The following FCRLB variants were observed in gnomAD, a reference collection of about 807,000 sequenced individuals.
FCRLB encodes the protein Fc receptor-like B.
In FCRLB, 34 loss-of-function variants were observed where a neutral mutation model predicts 33.6. The ratio of observed to expected loss-of-function variants is 1.01; its 90% CI spans 0.77 to 1.35. The LOEUF (loss-of-function observed/expected upper bound fraction) is 1.35. FCRLB is among the 40% of genes most tolerant of loss of function. FCRLB has a pLI of 0.00. For synonymous variants in FCRLB, 280 were observed against 255.9 expected (o/e 1.09, Z -0.90); for missense variants, 560 against 580.2 (o/e 0.97, Z 0.36).
At chr1:161,725,044 A>T (rs1454513854) in intron 5 of FCRLB, among the ~76,000 whole-genome samples, 1 of 152,194 alleles carries the variant, frequency 6.6e-6, no homozygotes, top group Non-Finnish European at 1.5e-5. Context: ...GTATGGCTGG[A>T]ACTTATCCTG....
chr1:161,727,183 C>A lies in FCRLB; in HGVS notation c.866-64C>A. 6.0e-6 allele frequency: 9 copies of A among 1,494,984 alleles called. No individual in the cohort carries two copies. In the East Asian group the frequency reaches 1.4e-4, roughly 23 times the overall value. The allele number at this position is 1,494,984 out of a possible 1,614,324, so 92.6% of individuals were successfully genotyped here. A position where few individuals can be genotyped will look rare whatever the true frequency, so the allele number is the denominator to read the frequency against. On this transcript the variant is annotated intron_variant, in intron 7 of 7. Transcript: ENST00000367948. The stretch of plus-strand genomic sequence containing the variant: ...TCCCCGCCCACCGCCCTACGCCCCT[C>A]CCCCAGCCCAGCGCCGAGAAGAACC...
At position 161,726,156 on chromosome 1, in the gene FCRLB, C is replaced by G; in HGVS notation, c.574+69C>G. On this transcript the variant is annotated intron_variant, in intron 6 of 7. Coordinates refer to ENST00000367948, the Ensembl canonical transcript of FCRLB. The surrounding 1 kb of genome is among the most constrained non-coding windows in gnomAD (Gnocchi z 5.2). ...GAGAAATTCTGGGACAGGAGCTCGG[C>G]GAGAAAAGAAGGGGCGGAAGTTCAA... 6 of 1,608,316 alleles carry G rather than the reference C, an allele frequency of 3.7e-6. No homozygotes were observed. Among genetic ancestry groups the G allele is most frequent in the Non-Finnish European group, 5.1e-6 (6 of 1,177,018 alleles).
At chr1:161,722,130 A>C (rs1392124324) in intron 2 of FCRLB, among the ~76,000 whole-genome samples, 1 of 152,150 alleles carries the variant, frequency 6.6e-6, no homozygotes, top group African/African-American at 2.4e-5. Context: ...TCGTCTACTC[A>C]TTGTGGCAGG....
At position 161,724,277 on chromosome 1, in the gene FCRLB, T is replaced by C. The variant is rs1683469748; in HGVS notation, c.307+656T>C. ...GGGTTTTAAAACAGGATAAGAAAAATAACAATAATTTGTTCAATAAAGTAC... is the reference window on the plus strand; with the variant it reads ...GGGTTTTAAAACAGGATAAGAAAAACAACAATAATTTGTTCAATAAAGTAC... On this transcript the variant is annotated intron_variant, in intron 5 of 7. Coordinates refer to ENST00000367948, the Ensembl canonical transcript of FCRLB. Among the ~76,000 whole-genome samples the C allele has an allele frequency of 2.6e-5, 4 of 152,024 alleles. No individual in the cohort carries two copies. The South Asian group carries it at 6.2e-4, about 24-fold the overall frequency.
At chr1:161,725,616 T>C (rs943946393) in intron 5 of FCRLB, among the ~76,000 whole-genome samples, 4 of 151,380 alleles carry the variant, frequency 2.6e-5, no homozygotes, top group Admixed American at 2.0e-4. Context: ...CACTGCAGCT[T>C]GGGCGACAAG....
intron 2 of FCRLB, among the ~76,000 whole-genome samples, chr1:161,722,131 T>C (rs1019804948): frequency 3.3e-5 from 5 of 152,124 alleles, no homozygotes; most frequent in Admixed American, 6.5e-5. Flanking sequence ...CGTCTACTCA[T>C]TGTGGCAGGA....
At position 161,726,738 on chromosome 1, in the gene FCRLB, C is replaced by T; in HGVS notation, c.610C>T (p.Pro204Ser). The change falls in exon 7 of 8, where the codon CCG (proline) becomes TCG (serine). Residue 204 changes from proline (P) to serine (S), a missense_variant. By Grantham distance (74) the Pro-to-Ser change is moderately conservative. Coordinates refer to ENST00000367948, the Ensembl canonical transcript of FCRLB. The surrounding 1 kb of genome is among the most constrained non-coding windows in gnomAD (Gnocchi z 5.2). ...GGCGCCGGTGCTGAGGGTGATGGGT[C>T]CGCGGGAGGCCCGCGGCGCGGCGCT... 6.3e-7 allele frequency: 1 copy of T among 1,594,252 alleles called. No individual in the cohort carries two copies. Among genetic ancestry groups the T allele is most frequent in the Non-Finnish European group, 8.5e-7 (1 of 1,174,420 alleles).
chr1:161,722,783 G>A (rs1683414447), intron 3 of FCRLB, 80 bp downstream of exon 3: 2 of 1,565,550 alleles, frequency 1.3e-6, no homozygotes. Context: ...AGGAGGGTGG[G>A]TATCCAATCC....
At chr1:161,727,025 C>G in intron 7 of FCRLB, 32 bp downstream of exon 7, 1 of 1,469,616 alleles carries the variant, frequency 6.8e-7, no homozygotes, top group Non-Finnish European at 9.0e-7. Flanking sequence ...CGGACGCCGA[C>G]CCTGGCGGTC....
Position 161,726,862 on chromosome 1 carries a change from G to A in FCRLB, c.734G>A (p.Arg245His). 1.9e-6 allele frequency: 3 copies of A among 1,577,590 alleles called. No homozygotes were observed. The highest frequency in any genetic ancestry group is 2.6e-6 in the Non-Finnish European group (3 of 1,161,584). Residue 245 changes from arginine to histidine, a missense_variant, in exon 7 of 8, where the codon CGC (arginine) becomes CAC (histidine). Transcript: ENST00000367948. The surrounding 1 kb of genome is among the most constrained non-coding windows in gnomAD (Gnocchi z 5.2). The stretch of plus-strand genomic sequence containing the variant: ...TACAAGTACAGCCGCGCGGTGCGCC[G>A]CTTCGACTGGGGCGCCGAGTACACA...
Position 161,726,998 on chromosome 1 carries a change from G to C in FCRLB, c.865+5G>C. 5 of 1,506,382 alleles carry C rather than the reference G, an allele frequency of 3.3e-6. No individual in the cohort carries two copies. Among genetic ancestry groups the C allele is most frequent in the Non-Finnish European group, 4.4e-6 (5 of 1,128,404 alleles). 93.3% of individuals were successfully genotyped at this position (1,506,382 alleles called of 1,614,324 possible). On this transcript the variant is annotated splice_donor_5th_base_variant and intron_variant, in intron 7 of 7. Transcript: ENST00000367948. This position sits in a 1 kb window ranked among gnomAD's most constrained non-coding sequence, Gnocchi z 5.2. Reference sequence around the variant, plus strand: ...GGCTGCAGCTCCCGGGGCCGGGTGAGTGCCTGCACACCCTCCCGGACGCCG... The same window carrying C: ...GGCTGCAGCTCCCGGGGCCGGGTGACTGCCTGCACACCCTCCCGGACGCCG...
exon 8 of FCRLB, chr1:161,727,447 C>T: frequency 6.2e-7 from 1 of 1,613,506 alleles, no homozygotes; most frequent in Non-Finnish European, 8.5e-7. Context: ...CGCCTGCGCT[C>T]CGCCGACGCC....
chr1:161,727,027 C>T (rs1426373336), intron 7 of FCRLB, 34 bp downstream of exon 7: 2 of 1,468,414 alleles, frequency 1.4e-6, no homozygotes, highest in Non-Finnish European at 1.8e-6. Flanking sequence ...GACGCCGACC[C>T]TGGCGGTCAG....
rs1426597048 is a variant in FCRLB, at chr1:161,726,151, C to G, written c.574+64C>G. On this transcript the variant is annotated intron_variant, in intron 6 of 7. Transcript: ENST00000367948. The surrounding 1 kb of genome is among the most constrained non-coding windows in gnomAD (Gnocchi z 5.2). ...GCATTGAGAAATTCTGGGACAGGAG[C>G]TCGGCGAGAAAAGAAGGGGCGGAAG... 1.2e-6 allele frequency: 2 copies of G among 1,609,524 alleles called. No individual in the cohort carries two copies. The highest frequency in any genetic ancestry group is 2.7e-5 in the African/African-American group (2 of 74,968).
chr1:161,722,612 T>G, intron 2 of FCRLB, 41 bp from the exon 3 acceptor site: 1 of 1,600,960 alleles, frequency 6.2e-7, no homozygotes, highest in Non-Finnish European at 8.5e-7. Context: ...TCTTTCTCTC[T>G]GTTCCCCATC....
intron 5 of FCRLB, 151 bp from the exon 6 acceptor site, chr1:161,725,670 G>T: frequency 9.7e-7 from 1 of 1,029,816 alleles, no homozygotes; most frequent in Non-Finnish European, 1.4e-6. Context: ...AAGAAAAAAA[G>T]AAAGAAAAAG....
chr1:161,726,790 C>A lies in FCRLB; in HGVS notation c.662C>A (p.Thr221Lys). 6.4e-7 allele frequency: 1 copy of A among 1,563,508 alleles called. No individual in the cohort carries two copies. The highest frequency in any genetic ancestry group is 8.6e-7 in the Non-Finnish European group (1 of 1,157,072). ...GGTGGGGTGGTGCTGCGCTGCGACA[C>A]GCGCCTGCACCCGCAGAAGCGCGAC... The change falls in exon 7 of 8, where the codon ACG becomes AAG. Residue 221 changes from threonine to lysine, a missense_variant. Thr to Lys is a moderately conservative substitution (Grantham distance 78, BLOSUM62 -1). Coordinates refer to ENST00000367948, the Ensembl canonical transcript of FCRLB. This position sits in a 1 kb window ranked among gnomAD's most constrained non-coding sequence, Gnocchi z 5.2.
chr1:161,727,756 T>C, exon 8 of FCRLB: 2 of 1,428,230 alleles, frequency 1.4e-6, no homozygotes, highest in Non-Finnish European at 1.9e-6. Context: ...GTTTGCATCC[T>C]TGTGTTTTGC....
exon 8 of FCRLB, chr1:161,727,596 C>A: frequency 6.2e-7 from 1 of 1,614,194 alleles, no homozygotes; most frequent in Non-Finnish European, 8.5e-7. Flanking sequence ...GGGGAACGCC[C>A]GAGACCCCCA....
Sources: gnomAD v4.1 joint callset for allele counts (sites outside exome capture counted in the v4.1 genomes callset) on GRCh38, gnomAD v4.1.1 for gene constraint, Gnocchi (gnomAD v3.1) non-coding constraint, MANE v1.5 for transcripts, NCBI Gene and HGNC (gene_info 2026-07-23, HGNC 2026-07-21) for gene names.